Variants in SPATA6 observed in about 807,000 individuals in gnomAD.
SPATA6 encodes spermatogenesis associated 6.
A neutral mutation model predicts 65.3 loss-of-function variants in SPATA6; 56 were observed. That is an observed-to-expected ratio of 0.86 (90% CI 0.69 to 1.07). The LOEUF (loss-of-function observed/expected upper bound fraction) is 1.07, where lower values mean the gene tolerates loss of function less well. Among genes scored for constraint, SPATA6 ranks in the 50% least tolerant of loss-of-function variants. The pLI is 0.00. For synonymous variants in SPATA6, 199 were observed against 213.2 expected (o/e 0.93, Z 0.58); for missense variants, 590 against 594.8 (o/e 0.99, Z 0.08).
chr1:48,450,643 T>C (rs1656479023), intron 3 of SPATA6, among the ~76,000 whole-genome samples: 1 of 152,142 alleles, frequency 6.6e-6, no homozygotes, highest in South Asian at 2.1e-4. Context: ...AGAACAGCTA[T>C]ACAAAATAAA....
chr1:48,419,369 TGAG>T (rs1475514814), intron 3 of SPATA6, among the ~76,000 whole-genome samples: 5 of 152,106 alleles, frequency 3.3e-5, no homozygotes, highest in African/African-American at 1.2e-4. Flanking sequence ...GGTATTTGAA[TGAG>T]GAGTAGAATA....
At chr1:48,271,971 C>A in the SPATA6 span, among the ~76,000 whole-genome samples, 1 of 152,120 alleles carries the variant, frequency 6.6e-6, no homozygotes, top group Non-Finnish European at 1.5e-5. Flanking sequence ...ATTTATCTCA[C>A]TCTCATGTCC....
At chr1:48,310,686 A>G (rs1645182849) in intron 11 of SPATA6, among the ~76,000 whole-genome samples, 1 of 152,206 alleles carries the variant, frequency 6.6e-6, no homozygotes, top group African/African-American at 2.4e-5. Flanking sequence ...AATCAGGCAG[A>G]AGATCAACCA....
the SPATA6 span, among the ~76,000 whole-genome samples, chr1:48,281,543 GACAA>G: frequency 5.3e-5 from 8 of 152,118 alleles, no homozygotes; most frequent in South Asian, 2.1e-4. Flanking sequence ...ACCAATAACA[GACAA>G]ACAGAGAGCC....
Position 48,297,502 on chromosome 1 carries a change from T to A in SPATA6, c.*1211A>T, listed in dbSNP as rs1380385191. The A allele has an allele frequency of 6.6e-6, 1 of 152,206 alleles. No individual in the cohort carries two copies. 9.4% of individuals were successfully genotyped at this position (152,206 alleles called of 1,614,324 possible). A position where few individuals can be genotyped will look rare whatever the true frequency, so the allele number is the denominator to read the frequency against. Reference sequence around the variant, plus strand: ...AAAATAAGTCAGCAAGTTTCACATTTTAATTTCATTTTAAAGGAAGTTCAT... The same window carrying A: ...AAAATAAGTCAGCAAGTTTCACATTATAATTTCATTTTAAAGGAAGTTCAT... On this transcript the variant is annotated 3_prime_UTR_variant, in exon 13 of 13. Coordinates refer to ENST00000371847, the MANE Select transcript of SPATA6 (RefSeq NM_019073.4).
intron 9 of SPATA6, among the ~76,000 whole-genome samples, chr1:48,364,826 G>T (rs1646944154): frequency 6.6e-6 from 1 of 152,250 alleles, no homozygotes; most frequent in South Asian, 2.1e-4. Context: ...GTCAATTGTG[G>T]CTTTTGTTGC....
At chr1:48,375,675 A>G (rs905253749) in intron 9 of SPATA6, among the ~76,000 whole-genome samples, 2 of 152,164 alleles carry the variant, frequency 1.3e-5, no homozygotes, top group African/African-American at 4.8e-5. Flanking sequence ...AATGCACACA[A>G]GTAATATATT....
rs35301174 is a variant in SPATA6, at chr1:48,428,855, G to GTA, written c.239-15706_239-15705dup. Among the ~76,000 whole-genome samples the GTA allele has an allele frequency of 6.1e-4, 84 of 138,624 alleles. 2 individuals carry two copies. The highest frequency in any genetic ancestry group is 2.0e-3 in the East Asian group (9 of 4,466). 90.9% of individuals were successfully genotyped at this position (138,624 alleles called of 152,430 possible). ...TATATATATGTGTATATATATGTGT[G>GTA]TATATATATATACACGTGTGTGTGT... is the stretch of plus-strand genomic sequence containing the variant. On this transcript the variant is annotated intron_variant, in intron 3 of 12. Coordinates refer to ENST00000371847, the MANE Select transcript of SPATA6 (RefSeq NM_019073.4).
At chr1:48,379,892 T>C (rs1258053061) in intron 9 of SPATA6, among the ~76,000 whole-genome samples, 1 of 152,198 alleles carries the variant, frequency 6.6e-6, no homozygotes, top group Non-Finnish European at 1.5e-5. Context: ...ATCATATGCT[T>C]TACGTGTATG....
intron 1 of SPATA6, among the ~76,000 whole-genome samples, chr1:48,459,752 T>A (rs1019470370): frequency 5.3e-5 from 8 of 152,066 alleles, no homozygotes; most frequent in African/African-American, 9.7e-5. Flanking sequence ...TAAATTTTTT[T>A]AAAAAATCAT....
chr1:48,429,242 T>C (rs959355764), intron 3 of SPATA6, among the ~76,000 whole-genome samples: 18 of 152,170 alleles, frequency 1.2e-4, no homozygotes, highest in Non-Finnish European at 2.2e-4. Flanking sequence ...CCTCACCCCA[T>C]TGTTGCAAGC....
At chr1:48,451,914 T>G (rs1458976513) in intron 2 of SPATA6, among the ~76,000 whole-genome samples, 2 of 152,170 alleles carry the variant, frequency 1.3e-5, no homozygotes, top group African/African-American at 4.8e-5. Flanking sequence ...TTCCTCTGCT[T>G]AAAATGCTCT....
the SPATA6 span, among the ~76,000 whole-genome samples, chr1:48,288,999 G>C: frequency 7.2e-5 from 11 of 152,292 alleles, no homozygotes; most frequent in East Asian, 1.7e-3. Flanking sequence ...AGAGAGTTGT[G>C]GTTCTCCCAG....
the SPATA6 span, among the ~76,000 whole-genome samples, chr1:48,281,462 A>T: frequency 1.3e-5 from 2 of 152,220 alleles, no homozygotes; most frequent in South Asian, 4.1e-4. Context: ...AATCTCCTTA[A>T]GCTGATAAGC....
chr1:48,464,184 G>A (rs542040341), intron 1 of SPATA6, among the ~76,000 whole-genome samples: 1 of 151,986 alleles, frequency 6.6e-6, no homozygotes, highest in South Asian at 2.1e-4. Context: ...ATAGGATTTG[G>A]TCTAATGATG....
chr1:48,268,058 AGG>A, the SPATA6 span, among the ~76,000 whole-genome samples: 1,863 of 151,998 alleles, frequency 0.012, 46 homozygotes, highest in African/African-American at 0.043. Context: ...GCCAGGTCTC[AGG>A]GTTTTTATAG....
At chr1:48,340,547 T>C (rs1646185906) in intron 11 of SPATA6, among the ~76,000 whole-genome samples, 1 of 151,518 alleles carries the variant, frequency 6.6e-6, no homozygotes, top group African/African-American at 2.4e-5. Flanking sequence ...AGAATACATG[T>C]TTTGTACAGG....
chr1:48,300,168 T>C (rs1644903631), intron 12 of SPATA6, among the ~76,000 whole-genome samples: 1 of 152,244 alleles, frequency 6.6e-6, no homozygotes, highest in South Asian at 2.1e-4. Flanking sequence ...TAGCACTTTT[T>C]ATGTTATCAG....
At chr1:48,278,361 G>C in the SPATA6 span, among the ~76,000 whole-genome samples, 2 of 152,220 alleles carry the variant, frequency 1.3e-5, no homozygotes, top group African/African-American at 4.8e-5. Context: ...AGAGAAGAAG[G>C]CTTCAGACGA....
Sources: allele counts gnomAD v4.1 joint callset (sites outside exome capture counted in the v4.1 genomes callset), GRCh38; gene constraint gnomAD v4.1.1; transcripts MANE v1.5; gene names NCBI Gene and HGNC (gene_info 2026-07-23, HGNC 2026-07-21).